Variants in EXOC4 observed in about 807,000 individuals in gnomAD.
EXOC4 encodes the protein SEC8-like 1.
EXOC4 carries 71 observed loss-of-function variants against 107.2 expected under a neutral mutation model. That is an observed-to-expected ratio of 0.66 (90% CI 0.55 to 0.81). The LOEUF is 0.81. Ranked by LOEUF, EXOC4 falls within the 30% of genes least tolerant of loss-of-function variation. The pLI is 0.00. For synonymous variants in EXOC4, 456 were observed against 441.2 expected, an observed-to-expected ratio of 1.03 and a Z score of -0.42; for missense variants, 1,108 against 1,189.6, an observed-to-expected ratio of 0.93 and a Z score of 1.01.
intron 5 of EXOC4, among the ~76,000 whole-genome samples, chr7:133,334,919 G>A (rs1414555145): frequency 6.6e-6 from 1 of 152,178 alleles, no homozygotes; most frequent in Non-Finnish European, 1.5e-5. Context: ...CTTTTTCGGT[G>A]ATGTAGTATT....
Position 133,606,238 on chromosome 7 carries a change from C to T in EXOC4, c.1418-23807C>T, listed in dbSNP as rs1236390955. Among the ~76,000 whole-genome samples, 2 of 152,046 alleles carry T rather than the reference C, an allele frequency of 1.3e-5. 1 individual carries two copies. Among genetic ancestry groups the T allele is most frequent in the Non-Finnish European group, 2.9e-5 (2 of 68,004 alleles). ...TTACAGTCTGTTCCATCTCATCATG[C>T]CCTTTACCTCATTCCTGTAAGCTAC... On this transcript the variant is annotated intron_variant, in intron 9 of 17. Coordinates refer to ENST00000253861, the MANE Select transcript of EXOC4 (RefSeq NM_021807.4).
chr7:133,541,655 A>G (rs1274197054), intron 9 of EXOC4, among the ~76,000 whole-genome samples: 1 of 151,708 alleles, frequency 6.6e-6, no homozygotes, highest in East Asian at 1.9e-4. Context: ...AGGCACCACC[A>G]TGCGTGGCTA....
chr7:133,437,153 A>T (rs921531840), intron 7 of EXOC4, among the ~76,000 whole-genome samples: 6 of 152,086 alleles, frequency 3.9e-5, no homozygotes, highest in Non-Finnish European at 4.4e-5. Flanking sequence ...AAAGTACTGA[A>T]AATATTTGCC....
chr7:133,387,301 A>G (rs2150710284), intron 7 of EXOC4, among the ~76,000 whole-genome samples: 1 of 152,330 alleles, frequency 6.6e-6, no homozygotes, highest in Non-Finnish European at 1.5e-5. Context: ...GTGTTCTGCA[A>G]CATATAGTAA....
intron 10 of EXOC4, among the ~76,000 whole-genome samples, chr7:133,704,841 G>A (rs941306225): frequency 6.6e-6 from 1 of 152,190 alleles, no homozygotes; most frequent in South Asian, 2.1e-4. Context: ...GTGGCATCAG[G>A]TGATGCTCAG....
Position 134,007,602 on chromosome 7 carries a change from G to T in EXOC4, c.2528-74G>T, listed in dbSNP as rs1585317378. The T allele has an allele frequency of 7.1e-6, 10 of 1,399,894 alleles. No homozygotes were observed. In the East Asian group the frequency reaches 2.4e-4, roughly 33 times the overall value. The allele number at this position is 1,399,894 out of a possible 1,614,324, so 86.7% of individuals were successfully genotyped here. A position where few individuals can be genotyped will look rare whatever the true frequency, so the allele number is the denominator to read the frequency against. The stretch of plus-strand genomic sequence containing the variant: ...TAGAGGATTAGAAGACAGCAATTCT[G>T]TGTGCAAGTTTCTGCAGGAATGCCT... On this transcript the variant is annotated intron_variant, in intron 16 of 17. Coordinates refer to ENST00000253861, the MANE Select transcript of EXOC4 (RefSeq NM_021807.4).
chr7:133,713,008 C>T (rs909508887), intron 10 of EXOC4, among the ~76,000 whole-genome samples: 2 of 152,044 alleles, frequency 1.3e-5, no homozygotes, highest in African/African-American at 2.4e-5. Flanking sequence ...TTTGGAGTGA[C>T]GGAAATGTTT....
intron 9 of EXOC4, among the ~76,000 whole-genome samples, chr7:133,512,552 A>G (rs1799791034): frequency 6.6e-6 from 1 of 152,288 alleles, no homozygotes; most frequent in Non-Finnish European, 1.5e-5. Flanking sequence ...AAGAAAGGGC[A>G]TGCCAAACAT....
intron 9 of EXOC4, among the ~76,000 whole-genome samples, chr7:133,496,461 C>T (rs1799479152): frequency 6.6e-6 from 1 of 152,130 alleles, no homozygotes; most frequent in Non-Finnish European, 1.5e-5. Context: ...GCCACTGCAC[C>T]CAGCCAATAT....
At chr7:134,043,992 A>C (rs1430221207) in intron 17 of EXOC4, among the ~76,000 whole-genome samples, 1 of 152,182 alleles carries the variant, frequency 6.6e-6, no homozygotes, top group Non-Finnish European at 1.5e-5. Context: ...TCGGTGATGG[A>C]GCATGGTCTA....
At chr7:133,602,284 A>G (rs967901062) in intron 9 of EXOC4, among the ~76,000 whole-genome samples, 18 of 152,338 alleles carry the variant, frequency 1.2e-4, no homozygotes, top group Non-Finnish European at 2.4e-4. Flanking sequence ...TGTACTGGCA[A>G]TGGCTTTGAT....
chr7:133,702,533 C>T (rs932411519), intron 10 of EXOC4, among the ~76,000 whole-genome samples: 3 of 150,684 alleles, frequency 2.0e-5, no homozygotes, highest in Non-Finnish European at 3.0e-5. Flanking sequence ...GCTATGTTGC[C>T]GAGGCCAGTC....
intron 7 of EXOC4, among the ~76,000 whole-genome samples, chr7:133,439,342 G>A (rs1408904351): frequency 1.3e-5 from 2 of 151,544 alleles, no homozygotes; most frequent in South Asian, 2.1e-4. Flanking sequence ...CCGCCACCAC[G>A]CCCAGCTAAT....
intron 5 of EXOC4, among the ~76,000 whole-genome samples, chr7:133,348,496 G>A (rs1439370351): frequency 6.6e-6 from 1 of 152,172 alleles, no homozygotes. Context: ...CTTGTGGCAG[G>A]TAGCTGCAGT....
intron 10 of EXOC4, among the ~76,000 whole-genome samples, chr7:133,721,657 A>C (rs1585102133): frequency 6.6e-6 from 1 of 152,174 alleles, no homozygotes; most frequent in East Asian, 1.9e-4. Flanking sequence ...GTCTCTTTTC[A>C]TGTAGTCATG....
At chr7:134,073,573 C>T in the EXOC4 span, among the ~76,000 whole-genome samples, 2 of 152,130 alleles carry the variant, frequency 1.3e-5, no homozygotes, top group African/African-American at 4.8e-5. Flanking sequence ...TGCTGTTACT[C>T]TTTCTACCTT....
In EXOC4 at chr7:133,963,641, G is replaced by C. The variant is rs2971978; in HGVS notation, c.2206+25572G>C. Among the ~76,000 whole-genome samples, 789 of 152,342 alleles carry C rather than the reference G, an allele frequency of 5.2e-3. 7 individuals carry two copies. Among genetic ancestry groups the C allele is most frequent in the African/African-American group, 0.018 (753 of 41,574 alleles). On this transcript the variant is annotated intron_variant, in intron 14 of 17. Coordinates refer to ENST00000253861, the MANE Select transcript of EXOC4 (RefSeq NM_021807.4). ...TTAGAGAGTTATCCATGATATTAAA[G>C]TGTCAAAAAGGAAAGAATTGAGAAT...
intron 10 of EXOC4, among the ~76,000 whole-genome samples, chr7:133,810,591 CTTTGCTTTAT>C (rs1210274691): frequency 0.13 from 9,570 of 71,044 alleles, 419 homozygotes; most frequent in East Asian, 0.17. Flanking sequence ...AAGATCCATG[CTTTGCTTTAT>C]TTTATTTTAT....
At chr7:133,963,672 T>C (rs1800997807) in intron 14 of EXOC4, among the ~76,000 whole-genome samples, 1 of 152,226 alleles carries the variant, frequency 6.6e-6, no homozygotes, top group Non-Finnish European at 1.5e-5. Flanking sequence ...AGAATTCCCA[T>C]GAAAGCAGAG....
Sources: gnomAD v4.1 joint callset for allele counts (sites outside exome capture counted in the v4.1 genomes callset) on GRCh38, gnomAD v4.1.1 for gene constraint, MANE v1.5 for transcripts, NCBI Gene and HGNC (gene_info 2026-07-23, HGNC 2026-07-21) for gene names.